Variants in ZZEF1 observed in about 807,000 individuals in gnomAD.
ZZEF1 encodes zinc finger ZZ-type and EF-hand domain containing 1.
In ZZEF1, 157 loss-of-function variants were observed where a neutral mutation model predicts 342.8. That is an observed-to-expected ratio of 0.46 (90% CI 0.40 to 0.52). The LOEUF is 0.52. Among genes scored for constraint, ZZEF1 ranks in the 20% least tolerant of loss-of-function variants. ZZEF1 has a pLI of 0.00. For synonymous variants in ZZEF1, 1,505 were observed against 1,429.1 expected, an observed-to-expected ratio of 1.05 and a Z score of -1.20; for missense variants, 3,480 against 3,725.6, an observed-to-expected ratio of 0.93 and a Z score of 1.72.
In ZZEF1 at chr17:4,102,390, C is replaced by A. The variant is rs2058141437; in HGVS notation, c.1599G>T (p.Gln533His). Residue 533 changes from glutamine to histidine, a missense_variant, in exon 9 of 55, where the codon CAG (glutamine) becomes CAT (histidine). Transcript: ENST00000381638. Reference protein sequence around the residue: ...KYGKPLQLTLQACDVKGKEDK... With the variant: ...KYGKPLQLTLHACDVKGKEDK... Reference sequence around the variant, plus strand: ...CTTCTTTTCCTTTGACATCACATGCCTGAAGAGTCAACTGGAGAGGTTTAC... The same window carrying A: ...CTTCTTTTCCTTTGACATCACATGCATGAAGAGTCAACTGGAGAGGTTTAC... 6.2e-7 allele frequency: 1 copy of A among 1,613,658 alleles called. No individual in the cohort carries two copies. Among genetic ancestry groups the A allele is most frequent in the African/African-American group, 1.3e-5 (1 of 74,896 alleles).
At chr17:4,021,992 A>T (rs2056283906) in intron 44 of ZZEF1, among the ~76,000 whole-genome samples, 1 of 152,122 alleles carries the variant, frequency 6.6e-6, no homozygotes, top group Admixed American at 6.5e-5. Flanking sequence ...AAAAATTTTA[A>T]TTTAAAATAT....
At chr17:4,040,505 T>C (rs540518798) in intron 39 of ZZEF1, among the ~76,000 whole-genome samples, 8 of 152,320 alleles carry the variant, frequency 5.3e-5, no homozygotes, top group Admixed American at 1.3e-4. Context: ...GCATCTCATC[T>C]TGTCAAGGAA....
intron 3 of ZZEF1, among the ~76,000 whole-genome samples, chr17:4,114,954 C>T (rs1476857287): frequency 6.6e-6 from 1 of 152,144 alleles, no homozygotes. Flanking sequence ...TATACATGAT[C>T]AAATGTATAT....
chr17:4,136,910 A>C (rs2058757948), intron 1 of ZZEF1, among the ~76,000 whole-genome samples: 1 of 148,620 alleles, frequency 6.7e-6, no homozygotes, highest in Admixed American at 6.7e-5. Context: ...CCTTTCTCAA[A>C]CTCCATGCTG....
chr17:4,020,073 T>C (rs1597766601), intron 45 of ZZEF1: 1 of 257,532 alleles, frequency 3.9e-6, no homozygotes, highest in Non-Finnish European at 7.3e-6. Context: ...ACGGCTAGCG[T>C]CTCTATAACT....
At chr17:4,013,725 C>G in intron 51 of ZZEF1, 111 bp from the exon 52 acceptor site, 6 of 1,221,786 alleles carry the variant, frequency 4.9e-6, no homozygotes, top group Non-Finnish European at 6.6e-6. Flanking sequence ...ATTTTATAAA[C>G]TGCTCAAATT....
chr17:4,019,088 T>C (rs1243743965), intron 46 of ZZEF1, among the ~76,000 whole-genome samples: 4 of 151,892 alleles, frequency 2.6e-5, no homozygotes, highest in Non-Finnish European at 5.9e-5. Flanking sequence ...GCAACCCTGC[T>C]TCACCTCATA....
chr17:4,019,760 C>T lies in ZZEF1; in HGVS notation c.7414G>A (p.Asp2472Asn). The T allele has an allele frequency of 6.2e-7, 1 of 1,608,868 alleles. No individual in the cohort carries two copies. Among genetic ancestry groups the T allele is most frequent in the Middle Eastern group, 1.7e-4 (1 of 6,040 alleles). The change falls in exon 46 of 55, where the codon GAT (aspartate) becomes AAT (asparagine). Residue 2472 changes from aspartate to asparagine, a missense_variant. Asp to Asn is a conservative substitution (Grantham distance 23, BLOSUM62 1). Around this residue, in one of 5 missense-constraint regions of ZZEF1, gnomAD observed 1,269 missense variants for 1,342.4 expected, o/e 0.95. Transcript: ENST00000381638. ...ATGTGCAGAGGGGCATTGAGGGCAT[C>T]ATGAGCCATCTGGAGGCCAGGGGAG... ...PTRICFLMAH[D>N]ALNAPLHILR...
intron 2 of ZZEF1, among the ~76,000 whole-genome samples, chr17:4,120,129 G>C (rs918176852): frequency 1.3e-5 from 2 of 152,066 alleles, no homozygotes; most frequent in African/African-American, 2.4e-5. Flanking sequence ...AGGCCAAGGC[G>C]GGCAGATCAC....
In ZZEF1 at chr17:4,113,400, T is replaced by C. The variant is rs1002520558; in HGVS notation, c.867-592A>G. 1.3e-4 allele frequency among the ~76,000 whole-genome samples: 20 copies of C among 152,302 alleles called. No homozygotes were observed. In the East Asian group the frequency reaches 3.5e-3, roughly 26 times the overall value. On this transcript the variant is annotated intron_variant, in intron 4 of 54. Transcript: ENST00000381638. Reference sequence around the variant, plus strand: ...ATACAGTGAATTTCAAAAATGTATATAGAAAGAGGCCAGGCACGGTGGCTC... The same window carrying C: ...ATACAGTGAATTTCAAAAATGTATACAGAAAGAGGCCAGGCACGGTGGCTC...
chr17:4,109,568 G>T, intron 6 of ZZEF1, 85 bp downstream of exon 6: 1 of 1,434,924 alleles, frequency 7.0e-7, no homozygotes, highest in Admixed American at 1.8e-5. Flanking sequence ...ATCAATGATG[G>T]AAGGCTGCTC....
chr17:4,069,020 T>C (rs2057457841), intron 26 of ZZEF1, among the ~76,000 whole-genome samples: 1 of 152,160 alleles, frequency 6.6e-6, no homozygotes, highest in South Asian at 2.1e-4. Flanking sequence ...TTCAAACCAA[T>C]AATGGCAGGC....
At chr17:4,084,327 A>G (rs1299574234) in intron 16 of ZZEF1, among the ~76,000 whole-genome samples, 2 of 151,976 alleles carry the variant, frequency 1.3e-5, no homozygotes, top group Middle Eastern at 3.4e-3. Flanking sequence ...TTCCATTTAC[A>G]TATTTTCTAC....
Position 4,017,667 on chromosome 17 carries a change from A to T in ZZEF1, c.7705T>A (p.Ser2569Thr), listed in dbSNP as rs1597759940. 6.8e-6 allele frequency: 11 copies of T among 1,613,976 alleles called. No individual in the cohort carries two copies. Among genetic ancestry groups the T allele is most frequent in the Non-Finnish European group, 6.8e-6 (8 of 1,180,032 alleles). Residue 2569 changes from serine (S) to threonine (T), a missense_variant, in exon 48 of 55, where the codon TCC becomes ACC. Physicochemically the swap from Ser to Thr is moderately conservative, Grantham distance 58 (BLOSUM62 1). Around this residue, in one of 5 missense-constraint regions of ZZEF1, gnomAD observed 1,269 missense variants for 1,342.4 expected, o/e 0.95. Coordinates refer to ENST00000381638, the MANE Select transcript of ZZEF1 (RefSeq NM_015113.4). This position sits in a 1 kb window ranked among gnomAD's most constrained non-coding sequence, Gnocchi z 5.1. ...TGCTGCAGTTCGCTCTCTGTGCTGG[A>T]GATCAGCTTCTGGGTCACAGGGTTC... is the stretch of plus-strand genomic sequence containing the variant. ...ESNPVTQKLI[S>T]STESELQQSY...
chr17:4,072,053 G>A (rs1307263123), intron 25 of ZZEF1, among the ~76,000 whole-genome samples: 1 of 151,994 alleles, frequency 6.6e-6, no homozygotes, highest in Non-Finnish European at 1.5e-5. Context: ...GGGTCTGAAG[G>A]AGCCAAATTT....
intron 39 of ZZEF1, among the ~76,000 whole-genome samples, chr17:4,041,038 C>A (rs541610343): frequency 6.6e-6 from 1 of 152,138 alleles, no homozygotes; most frequent in Non-Finnish European, 1.5e-5. Flanking sequence ...AAGGCTCCGG[C>A]TGATGTGCCT....
chr17:4,132,964 T>G (rs1367855270), intron 1 of ZZEF1, among the ~76,000 whole-genome samples: 1 of 147,870 alleles, frequency 6.8e-6, no homozygotes, highest in East Asian at 1.9e-4. Context: ...AGACTCCATC[T>G]CAAAAAAAAA....
chr17:4,119,991 T>C (rs1313719730), intron 2 of ZZEF1, among the ~76,000 whole-genome samples: 9 of 152,288 alleles, frequency 5.9e-5, no homozygotes, highest in African/African-American at 2.2e-4. Flanking sequence ...CTTAGCATTT[T>C]TGGGTCTAAT....
chr17:4,085,878 TA>T (rs1340679462), intron 15 of ZZEF1, 75 bp from the exon 16 acceptor site: 1 of 1,558,080 alleles, frequency 6.4e-7, no homozygotes, highest in Non-Finnish European at 8.7e-7. Flanking sequence ...AACTAGCCTA[TA>T]AATTCACTAC....
Sources: allele counts gnomAD v4.1 joint callset (sites outside exome capture counted in the v4.1 genomes callset), GRCh38; gene constraint gnomAD v4.1.1; regional missense constraint gnomAD v4.1.1; non-coding constraint Gnocchi (gnomAD v3.1); transcripts MANE v1.5; gene names NCBI Gene and HGNC (gene_info 2026-07-23, HGNC 2026-07-21).